NUP153: variants seen among roughly 807,000 people sequenced by gnomAD.
The protein encoded by NUP153 is nucleoporin 153, also known as nuclear pore complex protein Nup153.
NUP153 carries 27 observed loss-of-function variants against 134.6 expected under a neutral mutation model. The ratio of observed to expected loss-of-function variants is 0.20; its 90% confidence interval spans 0.15 to 0.28. NUP153 has a LOEUF of 0.28. NUP153 is among the 10% of genes least tolerant of loss of function. NUP153 has a pLI of 1.00. For synonymous variants in NUP153, 640 were observed against 623.5 expected (o/e 1.03, Z -0.40); for missense variants, 1,821 against 1,731.3 (o/e 1.05, Z -0.92).
At chr6:17,621,368 G>A (rs957755240) in intron 20 of NUP153, among the ~76,000 whole-genome samples, 1 of 152,124 alleles carries the variant, frequency 6.6e-6, no homozygotes, top group Non-Finnish European at 1.5e-5. Context: ...TTATCCAAAG[G>A]AGAGGAAATC....
intron 9 of NUP153, among the ~76,000 whole-genome samples, chr6:17,664,423 G>T (rs950540006): frequency 4.6e-5 from 7 of 152,246 alleles, no homozygotes; most frequent in African/African-American, 1.4e-4. Context: ...CAGGGTGAGG[G>T]TTTGAGGTCT....
intron 5 of NUP153, among the ~76,000 whole-genome samples, chr6:17,672,170 G>C (rs550510576): frequency 6.6e-6 from 1 of 151,698 alleles, no homozygotes; most frequent in East Asian, 1.9e-4. Flanking sequence ...CTACCGGGAA[G>C]CCTATGGCAA....
Position 17,628,799 on chromosome 6 carries a change from A to G in NUP153, c.3400T>C (p.Ser1134Pro). 2 of 1,614,188 alleles carry G rather than the reference A, an allele frequency of 1.2e-6. No individual in the cohort carries two copies. Among genetic ancestry groups the G allele is most frequent in the South Asian group, 1.1e-5 (1 of 91,092 alleles). ...NEEPKCQPVF[S>P]FGNSEQTKDE... ...TTGGTTTGCTCTGAATTCCCAAAGGAAAACACTGGTTGACACTTTGGCTCT... is the reference window on the plus strand; with the variant it reads ...TTGGTTTGCTCTGAATTCCCAAAGGGAAACACTGGTTGACACTTTGGCTCT... The change falls in exon 18 of 22, where the codon TCC becomes CCC. Residue 1134 changes from serine to proline, a missense_variant. Transcript: ENST00000262077. The surrounding 1 kb of genome is among the most constrained non-coding windows in gnomAD (Gnocchi z 5.4).
At chr6:17,623,289 G>A (rs952086717) in intron 20 of NUP153, among the ~76,000 whole-genome samples, 1 of 139,682 alleles carries the variant, frequency 7.2e-6, no homozygotes, top group African/African-American at 2.7e-5. Flanking sequence ...AGCTGACAAA[G>A]TACCAATATC....
intron 1 of NUP153, among the ~76,000 whole-genome samples, chr6:17,701,844 GAA>G (rs71002249): frequency 0.019 from 1,536 of 81,414 alleles, 164 homozygotes; most frequent in Non-Finnish European, 0.022. Context: ...GGGGGGGGGG[GAA>G]AAAAGCTAAA....
At chr6:17,626,817 T>C (rs1352606420) in intron 18 of NUP153, among the ~76,000 whole-genome samples, 1 of 152,210 alleles carries the variant, frequency 6.6e-6, no homozygotes, top group Non-Finnish European at 1.5e-5. Flanking sequence ...AAGTTTAGCT[T>C]GTCAAGCTCT....
chr6:17,671,252 T>C (rs1767890228), intron 5 of NUP153, among the ~76,000 whole-genome samples: 1 of 152,178 alleles, frequency 6.6e-6, no homozygotes, highest in South Asian at 2.1e-4. Flanking sequence ...TGAGAAATAA[T>C]AGTCTGTTGC....
At chr6:17,702,856 G>A (rs140621235) in intron 1 of NUP153, among the ~76,000 whole-genome samples, 1 of 137,186 alleles carries the variant, frequency 7.3e-6, no homozygotes, top group East Asian at 2.1e-4. Context: ...AGTTATTTGA[G>A]CAAGACAATG....
Position 17,628,393 on chromosome 6 carries a change from C to G in NUP153, c.3544+262G>C, listed in dbSNP as rs1407555211. Among the ~76,000 whole-genome samples, 2 of 152,118 alleles carry G rather than the reference C, an allele frequency of 1.3e-5. No individual in the cohort carries two copies. Among genetic ancestry groups the G allele is most frequent in the Non-Finnish European group, 2.9e-5 (2 of 68,030 alleles). On this transcript the variant is annotated intron_variant, in intron 18 of 21. Coordinates refer to ENST00000262077, the MANE Select transcript of NUP153 (RefSeq NM_005124.4). The surrounding 1 kb of genome is among the most constrained non-coding windows in gnomAD (Gnocchi z 5.4). ...AGCCCAAACAGAAGAGAAAGACACA[C>G]ATAAATATGCACTATATTGAGCTTT... is the stretch of plus-strand genomic sequence containing the variant.
intron 11 of NUP153, among the ~76,000 whole-genome samples, chr6:17,654,072 TCTAA>T (rs1766662188): frequency 6.6e-6 from 1 of 152,212 alleles, no homozygotes; most frequent in South Asian, 2.1e-4. Context: ...AATGTTGGAA[TCTAA>T]CTGCTACTGT....
chr6:17,655,543 T>C (rs1317886094), intron 11 of NUP153, among the ~76,000 whole-genome samples: 1 of 151,240 alleles, frequency 6.6e-6, no homozygotes, highest in Non-Finnish European at 1.5e-5. Flanking sequence ...AACCTCCCCC[T>C]CCCAGGTTCA....
rs999185755 is a variant in NUP153 at position 17,680,441 on chromosome 6, A to T, written c.335-4671T>A. Among the ~76,000 whole-genome samples the T allele has an allele frequency of 6.6e-6, 1 of 152,230 alleles. No homozygotes were observed. The highest frequency in any genetic ancestry group is 6.5e-5 in the Admixed American group (1 of 15,292). On this transcript the variant is annotated intron_variant, in intron 2 of 21. Coordinates refer to ENST00000262077, the MANE Select transcript of NUP153 (RefSeq NM_005124.4). This position sits in a 1 kb window ranked among gnomAD's most constrained non-coding sequence, Gnocchi z 4.5. The stretch of plus-strand genomic sequence containing the variant: ...AACCCTTATCTTGAACCATATACAA[A>T]AATTAACTCTAAATGGATTAAAGAC...
In NUP153 at chr6:17,628,782, C is replaced by A. The variant is rs1190624997; in HGVS notation, c.3417G>T (p.Glu1139Asp). 4.3e-6 allele frequency: 7 copies of A among 1,613,958 alleles called. No individual in the cohort carries two copies. Among genetic ancestry groups the A allele is most frequent in the Non-Finnish European group, 5.9e-6 (7 of 1,180,012 alleles). The part of the protein sequence containing the change: ...CQPVFSFGNS[E>D]QTKDENSSKS... ...TTGAAGAATTCTCATCTTTGGTTTG[C>A]TCTGAATTCCCAAAGGAAAACACTG... The change falls in exon 18 of 22, where the codon GAG becomes GAT. Residue 1139 changes from glutamate to aspartate, a missense_variant. Glu to Asp is a conservative substitution (Grantham distance 45). Transcript: ENST00000262077. This position sits in a 1 kb window ranked among gnomAD's most constrained non-coding sequence, Gnocchi z 5.4.
At position 17,632,817 on chromosome 6, in the gene NUP153, C is replaced by A. The variant is rs367859091; in HGVS notation, c.2492G>T (p.Ser831Ile). Reference sequence around the variant, plus strand: ...AGAAGGCAGAGAGACAGGTACAGTGCTGCTACTTGAAGCAGGTACTGAACT... The same window carrying A: ...AGAAGGCAGAGAGACAGGTACAGTGATGCTACTTGAAGCAGGTACTGAACT... ...PGSSVPASSS[S>I]TVPVSLPSGG... Residue 831 changes from serine (S) to isoleucine (I), a missense_variant, in exon 17 of 22, where the codon AGC becomes ATC. Physicochemically the swap from Ser to Ile is moderately radical, Grantham distance 142. Coordinates refer to ENST00000262077, the MANE Select transcript of NUP153 (RefSeq NM_005124.4). 22 of 1,434,118 alleles carry A rather than the reference C, an allele frequency of 1.5e-5. No individual in the cohort carries two copies. In the African/African-American group the frequency reaches 3.3e-4, roughly 22 times the overall value. The allele number at this position is 1,434,118 out of a possible 1,614,324, so 88.8% of individuals were successfully genotyped here.
rs199769517 is a variant in NUP153 at position 17,669,495 on chromosome 6, C to A, written c.904G>T (p.Gly302Cys). ...KAKQLSAQSY[G>C]VTSSTARRIL... ...CGCCGAGCTGTTGAACTGGTCACAC[C>A]GTAAGATTGTGCACTGAGTTGCTTA... The change falls in exon 6 of 22, where the codon GGT becomes TGT. Residue 302 changes from glycine (G) to cysteine (C), a missense_variant. Coordinates refer to ENST00000262077, the MANE Select transcript of NUP153 (RefSeq NM_005124.4). 2 of 1,614,042 alleles carry A rather than the reference C, an allele frequency of 1.2e-6. No individual in the cohort carries two copies. The highest frequency in any genetic ancestry group is 1.7e-6 in the Non-Finnish European group (2 of 1,179,976).
intron 11 of NUP153, among the ~76,000 whole-genome samples, chr6:17,657,621 A>C (rs1018928227): frequency 2.0e-5 from 3 of 152,130 alleles, no homozygotes; most frequent in Non-Finnish European, 2.9e-5. Flanking sequence ...TCAGGCAGTA[A>C]GGGAAATGAG....
At position 17,649,438 on chromosome 6, in the gene NUP153, C is replaced by T. The variant is rs1766393294; in HGVS notation, c.1396-138G>A. On this transcript the variant is annotated intron_variant, in intron 11 of 21. Transcript: ENST00000262077. ...ATTATGGGTTCTTCAATCAGAAAAA[C>T]TGAACATGATTTTTAATCCCAGCTG... The T allele has an allele frequency of 1.2e-5, 9 of 759,266 alleles. No individual in the cohort carries two copies. In the South Asian group the frequency reaches 2.4e-4, roughly 20 times the overall value. 47.0% of individuals were successfully genotyped at this position (759,266 alleles called of 1,614,324 possible). A position where few individuals can be genotyped will look rare whatever the true frequency, so the allele number is the denominator to read the frequency against.
intron 2 of NUP153, among the ~76,000 whole-genome samples, chr6:17,685,285 C>T (rs34942113): frequency 0.023 from 3,573 of 152,262 alleles, 66 homozygotes; most frequent in Non-Finnish European, 0.028. Flanking sequence ...CGGTGGCTCA[C>T]GCCTGTAATC....
intron 1 of NUP153, among the ~76,000 whole-genome samples, chr6:17,698,495 T>C (rs1285226076): frequency 2.0e-5 from 3 of 151,902 alleles, no homozygotes; most frequent in Non-Finnish European, 4.4e-5. Context: ...CCCCAGCACT[T>C]TGGGAGGCCG....
Sources: allele counts gnomAD v4.1 joint callset (sites outside exome capture counted in the v4.1 genomes callset), GRCh38; gene constraint gnomAD v4.1.1; non-coding constraint Gnocchi (gnomAD v3.1); transcripts MANE v1.5; gene names NCBI Gene and HGNC (gene_info 2026-07-23, HGNC 2026-07-21).